ANO2: variants seen among roughly 807,000 people sequenced by gnomAD.
ANO2 encodes the protein anoctamin-2.
In ANO2, 101 loss-of-function variants were observed where a neutral mutation model predicts 124.2. That is an observed-to-expected ratio of 0.81 (90% CI 0.69 to 0.96). The LOEUF is 0.96. Among genes scored for constraint, ANO2 ranks in the 40% least tolerant of loss-of-function variants. The pLI is 0.00. For synonymous variants in ANO2, 486 were observed against 482.5 expected (o/e 1.01, Z -0.09); for missense variants, 1,293 against 1,274.5 (o/e 1.01, Z -0.22).
In ANO2 at chr12:5,762,796, T is replaced by C. The variant is rs1227654239; in HGVS notation, c.1056-11826A>G. On this transcript the variant is annotated intron_variant, in intron 10 of 24. Transcript: ENST00000682330. ...TAGAATTTGATCTTCTCCTTTAAAC[T>C]GTCAAGACTTTCTTGGAGTATTGAT... 2.0e-5 allele frequency among the ~76,000 whole-genome samples: 3 copies of C among 151,922 alleles called. No homozygotes were observed. In the East Asian group the frequency reaches 5.8e-4, roughly 29 times the overall value.
chr12:5,890,750 G>C (rs781681930), intron 3 of ANO2, among the ~76,000 whole-genome samples: 1 of 152,206 alleles, frequency 6.6e-6, no homozygotes, highest in African/African-American at 2.4e-5. Context: ...TTTACTGATG[G>C]ATAAATATCT....
chr12:5,657,969 G>T (rs546507176), intron 14 of ANO2, among the ~76,000 whole-genome samples: 1 of 152,254 alleles, frequency 6.6e-6, no homozygotes, highest in African/African-American at 2.4e-5. Flanking sequence ...AAACAAAGGA[G>T]AAAGAGATAG....
chr12:5,703,303 T>C (rs1949477948), intron 14 of ANO2, among the ~76,000 whole-genome samples: 2 of 152,190 alleles, frequency 1.3e-5, no homozygotes, highest in African/African-American at 4.8e-5. Flanking sequence ...TCATACAGTA[T>C]TTAGTGTATG....
At chr12:5,702,735 G>C (rs1478559679) in intron 14 of ANO2, among the ~76,000 whole-genome samples, 3 of 152,164 alleles carry the variant, frequency 2.0e-5, no homozygotes, top group Non-Finnish European at 4.4e-5. Context: ...GCTGGATAGA[G>C]AGACATTTCT....
At chr12:5,786,054 T>A (rs1276205770) in intron 10 of ANO2, among the ~76,000 whole-genome samples, 2 of 145,636 alleles carry the variant, frequency 1.4e-5, no homozygotes, top group Non-Finnish European at 3.0e-5. Context: ...GTGAGAGAAA[T>A]CCAGGGACTT....
intron 14 of ANO2, among the ~76,000 whole-genome samples, chr12:5,707,827 C>T (rs1352835309): frequency 6.6e-6 from 1 of 152,184 alleles, no homozygotes; most frequent in African/African-American, 2.4e-5. Flanking sequence ...GTCTTGTGTT[C>T]ATTTTTTCTA....
chr12:5,734,422 G>A (rs1355690994), intron 13 of ANO2, among the ~76,000 whole-genome samples: 1 of 152,146 alleles, frequency 6.6e-6, no homozygotes, highest in African/African-American at 2.4e-5. Flanking sequence ...CAGAACATGG[G>A]TTCTACATCT....
At chr12:5,855,866 A>G (rs1955082576) in intron 3 of ANO2, among the ~76,000 whole-genome samples, 1 of 152,238 alleles carries the variant, frequency 6.6e-6, no homozygotes, top group Admixed American at 6.5e-5. Flanking sequence ...AACACAACAC[A>G]AAGACATGTG....
intron 16 of ANO2, among the ~76,000 whole-genome samples, chr12:5,620,999 C>T (rs758684001): frequency 7.2e-5 from 11 of 152,170 alleles, no homozygotes; most frequent in Non-Finnish European, 1.3e-4. Flanking sequence ...GAACGTGCCA[C>T]ATCCCCATCT....
chr12:5,925,467 G>A lies in ANO2; in HGVS notation c.23-2663C>T, dbSNP rs760000509. Among the ~76,000 whole-genome samples, 59 of 152,052 alleles carry A rather than the reference G, an allele frequency of 3.9e-4. No individual in the cohort carries two copies. Among genetic ancestry groups the A allele is most frequent in the East Asian group, 1.4e-3 (7 of 5,184 alleles). The stretch of plus-strand genomic sequence containing the variant: ...AGCACACGGTTCAGCCATCCCAGCC[G>A]TCCCAGCTCTGGAGAGGCACTCCAG... On this transcript the variant is annotated intron_variant, in intron 1 of 24. Coordinates refer to ENST00000682330, the MANE Select transcript of ANO2 (RefSeq NM_001364791.2). This position sits in a 1 kb window ranked among gnomAD's most constrained non-coding sequence, Gnocchi z 4.6.
intron 16 of ANO2, among the ~76,000 whole-genome samples, chr12:5,634,744 T>C (rs1020924073): frequency 6.6e-6 from 1 of 152,184 alleles, no homozygotes; most frequent in Non-Finnish European, 1.5e-5. Context: ...TGGGCTCAAG[T>C]GTCAAAAGGC....
At chr12:5,941,196 C>G (rs1942880873) in intron 1 of ANO2, among the ~76,000 whole-genome samples, 1 of 152,200 alleles carries the variant, frequency 6.6e-6, no homozygotes, top group Non-Finnish European at 1.5e-5. Context: ...TTGAACAACT[C>G]TGTGAATATA....
chr12:5,661,077 A>C (rs149870898), intron 14 of ANO2, among the ~76,000 whole-genome samples: 106 of 152,320 alleles, frequency 7.0e-4, no homozygotes, highest in African/African-American at 2.4e-3. Context: ...AGGAGTGTTA[A>C]GTGACACCCA....
Position 5,807,216 on chromosome 12 carries a change from A to C in ANO2, c.948+97T>G. ...TAATGTCATGATTCACTCCTGCCTCACCCTGCAGGTATTCACCCATCTCAC... is the reference window on the plus strand; with the variant it reads ...TAATGTCATGATTCACTCCTGCCTCCCCCTGCAGGTATTCACCCATCTCAC... On this transcript the variant is annotated intron_variant, in intron 8 of 24. Coordinates refer to ENST00000682330, the MANE Select transcript of ANO2 (RefSeq NM_001364791.2). 3 of 1,033,494 alleles carry C rather than the reference A, an allele frequency of 2.9e-6. No homozygotes were observed. The South Asian group carries it at 5.2e-5, about 18-fold the overall frequency. 64.0% of individuals were successfully genotyped at this position (1,033,494 alleles called of 1,614,324 possible).
At chr12:5,627,432 G>A (rs567706218) in intron 16 of ANO2, among the ~76,000 whole-genome samples, 8 of 152,308 alleles carry the variant, frequency 5.3e-5, no homozygotes, top group Non-Finnish European at 1.0e-4. Context: ...CCGCAGAGAG[G>A]CATAGGCCCC....
At chr12:5,748,431 G>A (rs910406382) in intron 11 of ANO2, among the ~76,000 whole-genome samples, 9 of 152,178 alleles carry the variant, frequency 5.9e-5, no homozygotes, top group Admixed American at 2.0e-4. Flanking sequence ...GAGTTGTGAA[G>A]GAGGATATGA....
intron 10 of ANO2, among the ~76,000 whole-genome samples, chr12:5,791,781 T>A (rs1952705097): frequency 6.6e-6 from 1 of 152,152 alleles, no homozygotes; most frequent in South Asian, 2.1e-4. Context: ...AGAAAATGCA[T>A]ACAGTGGATT....
At chr12:5,584,953 C>T (rs1488009184) in intron 20 of ANO2, among the ~76,000 whole-genome samples, 3 of 152,038 alleles carry the variant, frequency 2.0e-5, no homozygotes, top group African/African-American at 7.2e-5. Context: ...TTGCTAAATA[C>T]GAAGATGAGC....
intron 1 of ANO2, among the ~76,000 whole-genome samples, chr12:5,923,074 G>GCACGCATACACACACACACGCACA (rs1565783364): frequency 3.0e-5 from 1 of 33,890 alleles, no homozygotes; most frequent in African/African-American, 7.8e-5. Flanking sequence ...ACACACACAT[G>GCACGCATACACACACACACGCACA]CACACATACA....
Sources: allele counts gnomAD v4.1 joint callset (sites outside exome capture counted in the v4.1 genomes callset), GRCh38; gene constraint gnomAD v4.1.1; non-coding constraint Gnocchi (gnomAD v3.1); transcripts MANE v1.5; gene names NCBI Gene and HGNC (gene_info 2026-07-23, HGNC 2026-07-21).